The following ADAM22 variants were observed in gnomAD, a reference collection of about 807,000 sequenced individuals.
ADAM22 encodes ADAM metallopeptidase domain 22.
ADAM22 carries 65 observed loss-of-function variants against 144.6 expected under a neutral mutation model. The ratio of observed to expected loss-of-function variants is 0.45; its 90% CI spans 0.37 to 0.55. ADAM22 has a LOEUF of 0.55. Ranked by LOEUF, ADAM22 falls within the 20% of genes least tolerant of loss-of-function variation. The pLI, the probability that ADAM22 is intolerant of heterozygous loss-of-function variation, is 0.00. For missense variants in ADAM22, 974 were observed against 1,184.9 expected, an observed-to-expected ratio of 0.82 and a Z score of 2.61; for synonymous variants, 391 against 412.6, an observed-to-expected ratio of 0.95 and a Z score of 0.63.
intron 3 of ADAM22, among the ~76,000 whole-genome samples, chr7:88,002,478 C>T (rs1163017029): frequency 6.6e-6 from 1 of 152,126 alleles, no homozygotes; most frequent in African/African-American, 2.4e-5. Context: ...GTGATTTCCC[C>T]TTTACCAGCA....
At chr7:87,963,157 G>C (rs1314898011) in intron 2 of ADAM22, among the ~76,000 whole-genome samples, 1 of 152,100 alleles carries the variant, frequency 6.6e-6, no homozygotes, top group Non-Finnish European at 1.5e-5. Context: ...TTCAGGACTT[G>C]GTGGTGGTGG....
chr7:87,987,769 C>A (rs983581256), intron 3 of ADAM22, among the ~76,000 whole-genome samples: 1 of 152,184 alleles, frequency 6.6e-6, no homozygotes, highest in African/African-American at 2.4e-5. Flanking sequence ...ACCATCTGCA[C>A]AGAGCTGGCT....
intron 2 of ADAM22, among the ~76,000 whole-genome samples, chr7:87,966,548 A>C (rs567009485): frequency 6.6e-6 from 1 of 152,168 alleles, no homozygotes; most frequent in South Asian, 2.1e-4. Context: ...AGCTGGTGCC[A>C]GTGTCAGCAT....
At chr7:88,135,847 A>G in intron 13 of ADAM22, 133 bp from the exon 14 acceptor site, 2 of 599,078 alleles carry the variant, frequency 3.3e-6, no homozygotes, top group Middle Eastern at 2.9e-4. Flanking sequence ...TTGTAAGATG[A>G]ATTAGAAAGA....
chr7:88,053,634 A>AAGAAAGAAAGAAAGAAAG (rs1554432336), intron 3 of ADAM22, among the ~76,000 whole-genome samples: 44 of 96,650 alleles, frequency 4.6e-4, no homozygotes, highest in Non-Finnish European at 7.8e-4. Flanking sequence ...GAAAGAAAGA[A>AAGAAAGAAAGAAAGAAAG]AGAAAGAAAG....
rs1406173097 is a variant in ADAM22, at chr7:88,116,801, T to G, written c.594T>G (p.Asp198Glu). Residue 198 changes from aspartate to glutamate, a missense_variant, in exon 7 of 32, where the codon GAT becomes GAG. Physicochemically the swap from Asp to Glu is conservative, Grantham distance 45. Transcript: ENST00000413139. The part of the protein sequence containing the change: ...YKSRLFEFSL[D>E]DLPSEFQQVN... ...CCAGACTGTTTGAATTTTCCTTGGA[T>G]GATCTTCCATCTGGTATGATGTTCA... The G allele has an allele frequency of 1.2e-6, 2 of 1,612,288 alleles. No homozygotes were observed. The highest frequency in any genetic ancestry group is 1.7e-6 in the Non-Finnish European group (2 of 1,178,536).
At chr7:88,165,974 T>G (rs1367078397) in intron 24 of ADAM22, 28 bp downstream of exon 24, 6 of 1,530,406 alleles carry the variant, frequency 3.9e-6, no homozygotes, top group Non-Finnish European at 5.4e-6. Flanking sequence ...TAACATTATG[T>G]AGTCTTTATA....
intron 3 of ADAM22, among the ~76,000 whole-genome samples, chr7:88,017,902 T>A (rs1167650118): frequency 6.6e-6 from 1 of 152,086 alleles, no homozygotes; most frequent in Non-Finnish European, 1.5e-5. Flanking sequence ...AAAAATTTGT[T>A]TTACATTTTT....
chr7:87,984,419 T>C (rs1054328953), intron 3 of ADAM22, among the ~76,000 whole-genome samples: 12 of 152,310 alleles, frequency 7.9e-5, no homozygotes, highest in African/African-American at 2.4e-4. Context: ...TGACTAGTCC[T>C]GGAAGCTTTT....
intron 12 of ADAM22, 64 bp from the exon 13 acceptor site, chr7:88,134,265 C>T (rs1021457018): frequency 1.6e-6 from 2 of 1,267,492 alleles, no homozygotes; most frequent in African/African-American, 1.5e-5. Flanking sequence ...TGACATTTTT[C>T]TCTGGTTCTT....
chr7:87,995,018 G>T (rs1188188821), intron 3 of ADAM22, among the ~76,000 whole-genome samples: 4 of 151,830 alleles, frequency 2.6e-5, no homozygotes, highest in African/African-American at 9.7e-5. Context: ...TTTTAGTAGA[G>T]ACGGGGTTTC....
chr7:88,190,989 C>G (rs1586649355), intron 30 of ADAM22, among the ~76,000 whole-genome samples: 1 of 151,742 alleles, frequency 6.6e-6, no homozygotes, highest in Non-Finnish European at 1.5e-5. Flanking sequence ...CTCTGGTGCT[C>G]TCATCCCCCC....
intron 3 of ADAM22, among the ~76,000 whole-genome samples, chr7:88,031,869 A>G (rs1215059059): frequency 6.6e-6 from 1 of 152,246 alleles, no homozygotes; most frequent in East Asian, 1.9e-4. Context: ...AGGGCCCCAG[A>G]TACATCTCAG....
intron 4 of ADAM22, among the ~76,000 whole-genome samples, chr7:88,088,664 A>T (rs1422394367): frequency 5.3e-5 from 8 of 152,174 alleles, no homozygotes; most frequent in Non-Finnish European, 2.9e-5. Context: ...GCGATCTCAA[A>T]TTGTATTCAG....
At chr7:88,054,588 CTGTG>C (rs58027941) in intron 3 of ADAM22, among the ~76,000 whole-genome samples, 15,004 of 132,066 alleles carry the variant, frequency 0.11, 921 homozygotes, top group East Asian at 0.26. Context: ...AGGTGCCCTC[CTGTG>C]TGTGTGTGTG....
intron 3 of ADAM22, among the ~76,000 whole-genome samples, chr7:88,030,987 G>A (rs958619610): frequency 6.6e-6 from 1 of 152,104 alleles, no homozygotes; most frequent in African/African-American, 2.4e-5. Context: ...GTGGTGGCGG[G>A]CACCTGTAGT....
At chr7:88,024,443 A>G (rs1010465274) in intron 3 of ADAM22, among the ~76,000 whole-genome samples, 1 of 152,202 alleles carries the variant, frequency 6.6e-6, no homozygotes, top group Non-Finnish European at 1.5e-5. Flanking sequence ...ATGATTAATG[A>G]TGCTGAACAC....
chr7:88,118,679 T>A (rs914119068), intron 7 of ADAM22, among the ~76,000 whole-genome samples: 1 of 150,896 alleles, frequency 6.6e-6, no homozygotes, highest in South Asian at 2.1e-4. Context: ...ATCTTTTTTT[T>A]TTTTGAGAAA....
intron 10 of ADAM22, among the ~76,000 whole-genome samples, chr7:88,130,718 A>C (rs887989806): frequency 6.6e-6 from 1 of 152,136 alleles, no homozygotes; most frequent in African/African-American, 2.4e-5. Flanking sequence ...AGGTTGTGTC[A>C]TACCCCTAAC....
Sources: gnomAD v4.1 joint callset for allele counts (sites outside exome capture counted in the v4.1 genomes callset) on GRCh38, gnomAD v4.1.1 for gene constraint, MANE v1.5 for transcripts, NCBI Gene and HGNC (gene_info 2026-07-23, HGNC 2026-07-21) for gene names.